NFE2L3: variants seen among roughly 807,000 people sequenced by gnomAD.
The protein encoded by NFE2L3 is nuclear factor erythroid 2-related factor 3.
NFE2L3 carries 18 observed loss-of-function variants against 23.5 expected under a neutral mutation model. The ratio of observed to expected loss-of-function variants is 0.77; its 90% CI spans 0.53 to 1.13. NFE2L3 has a LOEUF of 1.13. NFE2L3 is among the 50% of genes most tolerant of loss of function. The pLI is 0.00. For missense variants in NFE2L3, 1,152 were observed against 877.2 expected (o/e 1.31, Z -3.96); for synonymous variants, 424 against 354.5 (o/e 1.20, Z -2.20).
Position 26,185,382 on chromosome 7 carries a change from T to C in NFE2L3, c.1684T>C (p.Phe562Leu), listed in dbSNP as rs1434560602. 3.7e-6 allele frequency: 6 copies of C among 1,614,008 alleles called. No homozygotes were observed. Among genetic ancestry groups the C allele is most frequent in the Non-Finnish European group, 5.1e-6 (6 of 1,180,008 alleles). Residue 562 changes from phenylalanine (F) to leucine (L), a missense_variant, in exon 4 of 4, where the codon TTC becomes CTC. Phe to Leu is a conservative substitution (Grantham distance 22, BLOSUM62 0). Coordinates refer to ENST00000056233, the MANE Select transcript of NFE2L3 (RefSeq NM_004289.7). ...DEIVGMPVDSFNSMLSRYYLT... is the reference protein window; with the variant it reads ...DEIVGMPVDSLNSMLSRYYLT... Reference sequence around the variant, plus strand: ...AATTGTCGGCATGCCTGTTGATTCTTTCAATAGCATGTTAAGTAGATATTA... The same window carrying C: ...AATTGTCGGCATGCCTGTTGATTCTCTCAATAGCATGTTAAGTAGATATTA...
At chr7:26,175,834 G>A (rs1376986354) in intron 1 of NFE2L3, among the ~76,000 whole-genome samples, 4 of 140,320 alleles carry the variant, frequency 2.9e-5, no homozygotes, top group South Asian at 2.3e-4. Context: ...CCAATTAGCT[G>A]TTTGATCAAT....
At chr7:26,171,524 A>G (rs959870304) in intron 1 of NFE2L3, among the ~76,000 whole-genome samples, 1 of 152,022 alleles carries the variant, frequency 6.6e-6, no homozygotes, top group African/African-American at 2.4e-5. Flanking sequence ...AGCCTGGGCA[A>G]CAAGATCAAA....
At chr7:26,167,524 A>G (rs1365532594) in intron 1 of NFE2L3, among the ~76,000 whole-genome samples, 3 of 150,664 alleles carry the variant, frequency 2.0e-5, no homozygotes, top group African/African-American at 7.3e-5. Flanking sequence ...AGGTGTGAAA[A>G]TGTACTTTTT....
chr7:26,175,070 G>A (rs191845361), intron 1 of NFE2L3: 1 of 152,236 alleles, frequency 6.6e-6, no homozygotes, highest in African/African-American at 2.4e-5. Context: ...AATATGGCGG[G>A]GCGTGGTGGC....
At chr7:26,162,142 C>CAA (rs35236023) in intron 1 of NFE2L3, among the ~76,000 whole-genome samples, 55 of 96,812 alleles carry the variant, frequency 5.7e-4, no homozygotes, top group African/African-American at 1.3e-3. Flanking sequence ...GACTCCATCT[C>CAA]AAAAAAAAAA....
chr7:26,177,769 C>T (rs1469179153), intron 1 of NFE2L3, among the ~76,000 whole-genome samples, 174 bp from the exon 2 acceptor site: 1 of 152,188 alleles, frequency 6.6e-6, no homozygotes, highest in Non-Finnish European at 1.5e-5. Flanking sequence ...CAGCCTGTCT[C>T]AGGACAGGAT....
intron 1 of NFE2L3, among the ~76,000 whole-genome samples, chr7:26,153,404 T>C (rs1222605296): frequency 6.6e-6 from 1 of 152,184 alleles, no homozygotes; most frequent in East Asian, 1.9e-4. Context: ...TCATGTACAC[T>C]GGGGTGTCGT....
chr7:26,182,011 GAAACTATA>G (rs888401183), intron 2 of NFE2L3, among the ~76,000 whole-genome samples: 1 of 152,020 alleles, frequency 6.6e-6, no homozygotes, highest in African/African-American at 2.4e-5. Flanking sequence ...AGTCCCAGAA[GAAACTATA>G]AAATATGAAA....
Position 26,175,414 on chromosome 7 carries a change from G to A in NFE2L3, c.571-2529G>A, listed in dbSNP as rs916188783. Among the ~76,000 whole-genome samples the A allele has an allele frequency of 2.0e-5, 3 of 152,214 alleles. No individual in the cohort carries two copies. In the South Asian group the frequency reaches 6.2e-4, roughly 32 times the overall value. On this transcript the variant is annotated intron_variant, in intron 1 of 3. Transcript: ENST00000056233. ...GTAAAATATTCACAGTTATAGACAC[G>A]TATAAAGTGAAGTAAACTCTTTCCC...
intron 1 of NFE2L3, among the ~76,000 whole-genome samples, chr7:26,154,185 C>T (rs539609184): frequency 1.5e-3 from 222 of 152,224 alleles, no homozygotes; most frequent in African/African-American, 5.1e-3. Context: ...TCCTGGGGAC[C>T]GGAACCAATG....
In NFE2L3 at chr7:26,187,031, TAC is replaced by T. The variant is rs1162388864; in HGVS notation, c.*1250_*1251del. The T allele has an allele frequency of 2.0e-5, 3 of 152,244 alleles. No individual in the cohort carries two copies. The highest frequency in any genetic ancestry group is 4.8e-5 in the African/African-American group (2 of 41,464). The allele number at this position is 152,244 out of a possible 1,614,324, so 9.4% of individuals were successfully genotyped here. On this transcript the variant is annotated 3_prime_UTR_variant, in exon 4 of 4. Transcript: ENST00000056233. ...CAGATATTATTTCTGCCATAGGAGC[TAC>T]AGTGTAGAGTATCACATAAGTATCT...
Position 26,185,308 on chromosome 7 carries a change from G to A in NFE2L3, c.1610G>A (p.Arg537His), listed in dbSNP as rs566561270. 42 of 1,614,092 alleles carry A rather than the reference G, an allele frequency of 2.6e-5. No homozygotes were observed. The South Asian group carries it at 2.6e-4, about 10-fold the overall frequency. Residue 537 changes from arginine (R) to histidine (H), a missense_variant, in exon 4 of 4, where the codon CGT becomes CAT. Coordinates refer to ENST00000056233, the MANE Select transcript of NFE2L3 (RefSeq NM_004289.7). ...GAAGACACAGATAGAAACTTGAGCC[G>A]TGATGAACAGCGTGCTAAAGCTTTG... Reference protein sequence around the residue: ...YLEDTDRNLSRDEQRAKALHI... With the variant: ...YLEDTDRNLSHDEQRAKALHI...
At chr7:26,155,441 CAAAAA>C (rs987727971) in intron 1 of NFE2L3, among the ~76,000 whole-genome samples, 35 of 150,976 alleles carry the variant, frequency 2.3e-4, no homozygotes, top group African/African-American at 8.5e-4. Flanking sequence ...GACTCTGTCT[CAAAAA>C]GAAAAAAAAT....
At position 26,178,236 on chromosome 7, in the gene NFE2L3, AATATG is replaced by A. The variant is rs1784449188; in HGVS notation, c.750+119_750+123del. The A allele has an allele frequency of 3.8e-6, 3 of 793,856 alleles. No homozygotes were observed. In the South Asian group the frequency reaches 5.8e-5, roughly 15 times the overall value. 49.2% of individuals were successfully genotyped at this position (793,856 alleles called of 1,614,324 possible). On this transcript the variant is annotated intron_variant, in intron 2 of 3. Transcript: ENST00000056233. ...AAAACAGTATGCTCTACTATTAACA[AATATG>A]ATATATGAAAATACCTATGTCTTTA...
Position 26,152,873 on chromosome 7 carries a change from C to G in NFE2L3, c.375C>G (p.His125Gln). 1 of 1,463,748 alleles carries G rather than the reference C, an allele frequency of 6.8e-7. No homozygotes were observed. Among genetic ancestry groups the G allele is most frequent in the Admixed American group, 2.6e-5 (1 of 38,658 alleles). 90.7% of individuals were successfully genotyped at this position (1,463,748 alleles called of 1,614,324 possible). A position where few individuals can be genotyped will look rare whatever the true frequency, so the allele number is the denominator to read the frequency against. ...CTGCCGGGAGCGCGGACGAGGCCCA[C>G]GGGCTGCTCGGCGCCGCCGCCGCCT... The part of the protein sequence containing the change: ...SVAAGSADEA[H>Q]GLLGAAAASS... The change falls in exon 1 of 4, where the codon CAC becomes CAG. Residue 125 changes from histidine to glutamine, a missense_variant. By Grantham distance (24) the His-to-Gln change is conservative. Coordinates refer to ENST00000056233, the MANE Select transcript of NFE2L3 (RefSeq NM_004289.7). The surrounding 1 kb of genome is among the most constrained non-coding windows in gnomAD (Gnocchi z 4.4).
chr7:26,166,096 T>G (rs1019267585), intron 1 of NFE2L3, among the ~76,000 whole-genome samples: 1 of 150,808 alleles, frequency 6.6e-6, no homozygotes, highest in Non-Finnish European at 1.5e-5. Context: ...AGCACTGCTG[T>G]TGTAATCTGT....
chr7:26,184,275 G>A (rs1205066435), intron 3 of NFE2L3: 2 of 433,310 alleles, frequency 4.6e-6, no homozygotes, highest in African/African-American at 4.0e-5. Flanking sequence ...TGTAACATTA[G>A]ACTTTTTAAG....
At chr7:26,154,792 C>G (rs536128492) in intron 1 of NFE2L3, among the ~76,000 whole-genome samples, 1 of 152,340 alleles carries the variant, frequency 6.6e-6, no homozygotes, top group East Asian at 1.9e-4. Context: ...CATCCCATCT[C>G]AGCCTCCCAA....
chr7:26,176,110 G>A (rs1166536754), intron 1 of NFE2L3, among the ~76,000 whole-genome samples: 1 of 151,796 alleles, frequency 6.6e-6, no homozygotes, highest in Non-Finnish European at 1.5e-5. Context: ...AGCACATCTT[G>A]CACCGCCCTT....
Sources: allele counts gnomAD v4.1 joint callset (sites outside exome capture counted in the v4.1 genomes callset), GRCh38; gene constraint gnomAD v4.1.1; non-coding constraint Gnocchi (gnomAD v3.1); transcripts MANE v1.5; gene names NCBI Gene and HGNC (gene_info 2026-07-23, HGNC 2026-07-21).